The following NTSR1 variants were observed in gnomAD, a reference collection of about 807,000 sequenced individuals.
The protein encoded by NTSR1 is neurotensin receptor type 1.
In NTSR1, 29 loss-of-function variants were observed where a neutral mutation model predicts 31.2. That is an observed-to-expected ratio of 0.93 (90% CI 0.69 to 1.27). NTSR1 has a LOEUF of 1.27. Ranked by LOEUF, NTSR1 falls within the 50% of genes most tolerant of loss-of-function variation. NTSR1 has a pLI of 0.00. For missense variants in NTSR1, 697 were observed against 595.4 expected, an observed-to-expected ratio of 1.17 and a Z score of -1.78; for synonymous variants, 282 against 269.9, an observed-to-expected ratio of 1.04 and a Z score of -0.44.
chr20:62,724,371 C>T (rs1988870647), intron 1 of NTSR1, among the ~76,000 whole-genome samples: 1 of 152,172 alleles, frequency 6.6e-6, no homozygotes, highest in Non-Finnish European at 1.5e-5. Context: ...GGAGGGTCCC[C>T]AAGGCCCCTA....
Position 62,709,117 on chromosome 20 carries a change from G to A in NTSR1, c.-91G>A. On this transcript the variant is annotated 5_prime_UTR_variant, in exon 1 of 4. Transcript: ENST00000370501. ...GCCACGCGCCCTCCCCTGGGCTCCCGTTCATCGGTCCCCGCCTGAGACGCG... is the reference window on the plus strand; with the variant it reads ...GCCACGCGCCCTCCCCTGGGCTCCCATTCATCGGTCCCCGCCTGAGACGCG... 1 of 1,106,922 alleles carries A rather than the reference G, an allele frequency of 9.0e-7. No homozygotes were observed. Among genetic ancestry groups the A allele is most frequent in the Admixed American group, 4.1e-5 (1 of 24,222 alleles). 68.6% of individuals were successfully genotyped at this position (1,106,922 alleles called of 1,614,324 possible).
In NTSR1 at chr20:62,714,494, G is replaced by A. The variant is rs1417891607; in HGVS notation, c.714+4573G>A. ...GTGCAATCCTCATAAATCAATGGAT[G>A]TAGGCATGGATTCTTGACAGCTGCT... On this transcript the variant is annotated intron_variant, in intron 1 of 3. Transcript: ENST00000370501. The surrounding 1 kb of genome is among the most constrained non-coding windows in gnomAD (Gnocchi z 4.1). Among the ~76,000 whole-genome samples, 3 of 152,192 alleles carry A rather than the reference G, an allele frequency of 2.0e-5. No individual in the cohort carries two copies. Among genetic ancestry groups the A allele is most frequent in the African/African-American group, 2.4e-5 (1 of 41,454 alleles).
chr20:62,738,047 C>T (rs1434895720), intron 1 of NTSR1, among the ~76,000 whole-genome samples: 2 of 152,228 alleles, frequency 1.3e-5, no homozygotes, highest in Non-Finnish European at 2.9e-5. Context: ...CCCTGCAGTG[C>T]CCATCTGCCC....
chr20:62,709,190 C>T lies in NTSR1; in HGVS notation c.-18C>T. The T allele has an allele frequency of 7.1e-7, 1 of 1,405,958 alleles. No homozygotes were observed. Among genetic ancestry groups the T allele is most frequent in the East Asian group, 2.8e-5 (1 of 35,666 alleles). 87.1% of individuals were successfully genotyped at this position (1,405,958 alleles called of 1,614,324 possible). ...GCCCCGGAGGCGCCGGACAGAGCCG[C>T]GGACTCCAGCGCCCACCATGCGCCT... On this transcript the variant is annotated 5_prime_UTR_variant, in exon 1 of 4. Transcript: ENST00000370501.
Position 62,715,054 on chromosome 20 carries a change from G to C in NTSR1, c.714+5133G>C, listed in dbSNP as rs1267742795. The stretch of plus-strand genomic sequence containing the variant: ...GGAGGGCTACAGAGGAGACAAGATT[G>C]GTCTTAAGTCTGTAATCATGGAAAG... On this transcript the variant is annotated intron_variant, in intron 1 of 3. Transcript: ENST00000370501. This position sits in a 1 kb window ranked among gnomAD's most constrained non-coding sequence, Gnocchi z 4.7. 6.6e-6 allele frequency among the ~76,000 whole-genome samples: 1 copy of C among 152,114 alleles called. No homozygotes were observed. The highest frequency in any genetic ancestry group is 2.4e-5 in the African/African-American group (1 of 41,400).
intron 1 of NTSR1, among the ~76,000 whole-genome samples, chr20:62,710,934 G>C (rs564603304): frequency 6.6e-6 from 1 of 152,304 alleles, no homozygotes; most frequent in East Asian, 1.9e-4. Flanking sequence ...CCTCTGCCCA[G>C]CTAGAGGGGC....
rs1305507518 is a variant in NTSR1, at chr20:62,760,192, C to G, written c.1182C>G (p.Ala394=). 1 of 1,614,012 alleles carries G rather than the reference C, an allele frequency of 6.2e-7. No individual in the cohort carries two copies. The highest frequency in any genetic ancestry group is 8.5e-7 in the Non-Finnish European group (1 of 1,180,028). Residue 394 remains alanine (A), a synonymous_variant, in exon 4 of 4, where the codon GCC becomes GCG. Coordinates refer to ENST00000370501, the MANE Select transcript of NTSR1 (RefSeq NM_002531.3). ...PVWRRRRKRP[A]FSRKADSVSS... ...GGCGGCGCAGGAGGAAGAGGCCAGC[C>G]TTCTCGAGGAAGGCCGACAGCGTGT...
At chr20:62,749,577 C>T (rs779874502) in intron 1 of NTSR1, among the ~76,000 whole-genome samples, 16 of 151,884 alleles carry the variant, frequency 1.1e-4, no homozygotes, top group African/African-American at 2.9e-4. Context: ...AACAGCAAAA[C>T]GAAAAGGCAG....
Position 62,728,392 on chromosome 20 carries a change from G to A in NTSR1, c.714+18471G>A, listed in dbSNP as rs535835924. Among the ~76,000 whole-genome samples, 154 of 152,310 alleles carry A rather than the reference G, an allele frequency of 1.0e-3. 1 individual carries two copies. The highest frequency in any genetic ancestry group is 3.6e-3 in the African/African-American group (150 of 41,566). On this transcript the variant is annotated intron_variant, in intron 1 of 3. Coordinates refer to ENST00000370501, the MANE Select transcript of NTSR1 (RefSeq NM_002531.3). ...CCACCCTGAGGAGGGGGTGGAGCTG[G>A]GTGGGTGCAGACACTACTGGTGATG...
At chr20:62,710,016 CACAGAG>C (rs2147129767) in intron 1 of NTSR1, 95 bp downstream of exon 1, 2 of 1,064,754 alleles carry the variant, frequency 1.9e-6, no homozygotes, top group Non-Finnish European at 2.7e-6. Flanking sequence ...GGAGAGATGT[CACAGAG>C]ACAGTCTACT....
At chr20:62,746,642 T>C (rs1440742577) in intron 1 of NTSR1, among the ~76,000 whole-genome samples, 1 of 152,170 alleles carries the variant, frequency 6.6e-6, no homozygotes. Flanking sequence ...TGAACAATTT[T>C]ATACAAACCA....
rs1258593301 is a variant in NTSR1 at position 62,758,192 on chromosome 20, GCA to G, written c.917-73_917-72del. On this transcript the variant is annotated intron_variant, in intron 2 of 3. Transcript: ENST00000370501. The surrounding 1 kb of genome is among the most constrained non-coding windows in gnomAD (Gnocchi z 4.5). ...GAGCCCACATCTGTGTGCCTCAGGTGCAGTGGGTCTCTGAGCCCACGCCTCTG... is the reference window on the plus strand; with the variant it reads ...GAGCCCACATCTGTGTGCCTCAGGTGGTGGGTCTCTGAGCCCACGCCTCTG... 4.3e-6 allele frequency: 2 copies of G among 463,342 alleles called. No individual in the cohort carries two copies. The highest frequency in any genetic ancestry group is 6.7e-5 in the African/African-American group (2 of 29,896). The allele number at this position is 463,342 out of a possible 1,614,324, so 28.7% of individuals were successfully genotyped here. A position where few individuals can be genotyped will look rare whatever the true frequency, so the allele number is the denominator to read the frequency against.
intron 1 of NTSR1, 88 bp downstream of exon 1, chr20:62,710,009 G>C: frequency 8.9e-7 from 1 of 1,124,912 alleles, no homozygotes. Flanking sequence ...GGGAGTGGGA[G>C]AGATGTCACA....
intron 1 of NTSR1, among the ~76,000 whole-genome samples, chr20:62,720,947 A>T (rs1238380583): frequency 6.6e-6 from 1 of 152,146 alleles, no homozygotes; most frequent in Non-Finnish European, 1.5e-5. Flanking sequence ...TCCAGATATT[A>T]CTTTTTTATC....
chr20:62,752,286 G>A (rs548066027), intron 1 of NTSR1, among the ~76,000 whole-genome samples: 3 of 152,340 alleles, frequency 2.0e-5, no homozygotes, highest in Admixed American at 6.5e-5. Flanking sequence ...TTGTGGAGGT[G>A]GGGGGCAGCT....
In NTSR1 at chr20:62,709,690, C is replaced by G. The variant is rs776682562; in HGVS notation, c.483C>G (p.Ser161Arg). 3.1e-6 allele frequency: 5 copies of G among 1,612,792 alleles called. No homozygotes were observed. The highest frequency in any genetic ancestry group is 1.7e-5 in the Admixed American group (1 of 60,022). ...ACGCCACGGCCCTCAACGTGGCCAGCCTGAGTGTGGAGCGCTACCTGGCCA... is the reference window on the plus strand; with the variant it reads ...ACGCCACGGCCCTCAACGTGGCCAGGCTGAGTGTGGAGCGCTACCTGGCCA... ...CTYATALNVA[S>R]LSVERYLAIC... The change falls in exon 1 of 4, where the codon AGC (serine) becomes AGG (arginine). Residue 161 changes from serine to arginine, a missense_variant. Ser to Arg is a moderately radical substitution (Grantham distance 110). Coordinates refer to ENST00000370501, the MANE Select transcript of NTSR1 (RefSeq NM_002531.3).
intron 1 of NTSR1, among the ~76,000 whole-genome samples, chr20:62,753,119 A>T (rs576517147): frequency 3.3e-5 from 5 of 152,284 alleles, no homozygotes; most frequent in African/African-American, 1.2e-4. Context: ...CTCAAATGGA[A>T]TGTGAGGGTA....
At chr20:62,753,125 G>A (rs149820212) in intron 1 of NTSR1, among the ~76,000 whole-genome samples, 309 of 152,362 alleles carry the variant, frequency 2.0e-3, no homozygotes, top group African/African-American at 7.1e-3. Flanking sequence ...TGGAATGTGA[G>A]GGTAAACTCA....
chr20:62,760,148 GCCTGCCTCTGC>G lies in NTSR1; in HGVS notation c.1141_1151del (p.Cys381GlyfsTer93). 6.2e-7 allele frequency: 1 copy of G among 1,614,142 alleles called. No homozygotes were observed. Among genetic ancestry groups the G allele is most frequent in the Non-Finnish European group, 8.5e-7 (1 of 1,180,032 alleles). Reference sequence around the variant, plus strand: ...CCGCCACATCTTCCTGGCCACACTGGCCTGCCTCTGCCCGGTGTGGCGGCGCAGGAGGAAGA... The same window carrying G: ...CCGCCACATCTTCCTGGCCACACTGGCCGGTGTGGCGGCGCAGGAGGAAGA... On this transcript the variant is annotated frameshift_variant, in exon 4 of 4. Coordinates refer to ENST00000370501, the MANE Select transcript of NTSR1 (RefSeq NM_002531.3). LOFTEE classifies it high-confidence loss of function.
Sources: gnomAD v4.1 joint callset for allele counts (sites outside exome capture counted in the v4.1 genomes callset) on GRCh38, gnomAD v4.1.1 for gene constraint, Gnocchi (gnomAD v3.1) non-coding constraint, MANE v1.5 for transcripts, NCBI Gene and HGNC (gene_info 2026-07-23, HGNC 2026-07-21) for gene names.